PLEKHA7: variants seen among roughly 807,000 people sequenced by gnomAD.
PLEKHA7 encodes the protein pleckstrin homology domain containing A7.
PLEKHA7 carries 104 observed loss-of-function variants against 170.0 expected under a neutral mutation model. The observed-to-expected ratio is 0.61, with a 90% confidence interval of 0.52 to 0.72. The LOEUF is 0.72. Among genes scored for constraint, PLEKHA7 ranks in the 30% least tolerant of loss-of-function variants. PLEKHA7 has a pLI of 0.00. For synonymous variants in PLEKHA7, 648 were observed against 660.8 expected (o/e 0.98, Z 0.30); for missense variants, 1,615 against 1,671.7 (o/e 0.97, Z 0.59).
rs566075886 is a variant in PLEKHA7 at position 16,783,745 on chromosome 11, C to T, written c.3605G>A (p.Arg1202Gln). 2.6e-5 allele frequency: 39 copies of T among 1,505,642 alleles called. 1 individual carries two copies. In the South Asian group the frequency reaches 2.9e-4, roughly 11 times the overall value. 93.3% of individuals were successfully genotyped at this position (1,505,642 alleles called of 1,614,324 possible). A position where few individuals can be genotyped will look rare whatever the true frequency, so the allele number is the denominator to read the frequency against. ...EPPSLEELQA[R>Q]YRKAEKIRNI... ...GCGGATCTTCTCGGCTTTGCGGTAC[C>T]GCGCCTGCAGCTCCTCAAGGCTGGG... is the stretch of plus-strand genomic sequence containing the variant. The change falls in exon 25 of 27, where the codon CGG (arginine) becomes CAG (glutamine). Residue 1202 changes from arginine (R) to glutamine (Q), a missense_variant. Transcript: ENST00000531066.
intron 3 of PLEKHA7, among the ~76,000 whole-genome samples, chr11:16,893,784 C>G (rs1428276692): frequency 6.6e-6 from 1 of 152,228 alleles, no homozygotes; most frequent in Non-Finnish European, 1.5e-5. Context: ...GCACACAGAT[C>G]TGAGGGCCAG....
chr11:17,014,015 C>A lies in PLEKHA7; in HGVS notation c.195G>T (p.Thr65=). Residue 65 remains threonine (T), a synonymous_variant, in exon 3 of 27, where the codon ACG becomes ACT. Coordinates refer to ENST00000531066, the MANE Select transcript of PLEKHA7 (RefSeq NM_001329630.2). ...CGATGAAGTAGCTGGCGCCCTCCTC[C>A]GTGAAGCCCTCCTCCCAGCCGCGGG... ...DLPRGWEEGF[T]EEGASYFIDH... 1 of 1,550,134 alleles carries A rather than the reference C, an allele frequency of 6.5e-7. No homozygotes were observed. Among genetic ancestry groups the A allele is most frequent in the Non-Finnish European group, 8.7e-7 (1 of 1,147,566 alleles).
At chr11:16,809,575 C>A (rs1305995094) in intron 13 of PLEKHA7, among the ~76,000 whole-genome samples, 2 of 152,192 alleles carry the variant, frequency 1.3e-5, no homozygotes, top group African/African-American at 4.8e-5. Context: ...TCAACCATGT[C>A]CAGAGAGACC....
rs987403951 is a variant in PLEKHA7, at chr11:17,007,255, A to G, written c.221+6734T>C. 4.2e-4 allele frequency among the ~76,000 whole-genome samples: 64 copies of G among 152,356 alleles called. 1 individual carries two copies. The highest frequency in any genetic ancestry group is 1.5e-3 in the African/African-American group (61 of 41,592). ...AAACATTATATTCTACAATATAGAA[A>G]TAACTATAAAATTTATGCTAATAAT... On this transcript the variant is annotated intron_variant, in intron 3 of 26. Transcript: ENST00000531066.
rs779238871 is a variant in PLEKHA7, at chr11:16,813,163, C to T, written c.1957G>A (p.Asp653Asn). The change falls in exon 13 of 27, where the codon GAT becomes AAT. Residue 653 changes from aspartate to asparagine, a missense_variant. Asp to Asn is a conservative substitution (Grantham distance 23). Coordinates refer to ENST00000531066, the MANE Select transcript of PLEKHA7 (RefSeq NM_001329630.2). ...TTCTTCAGCTGGAGGTAGGTATCATCAGCCTTCAAATGAAGCAGAGAGGAA... is the reference window on the plus strand; with the variant it reads ...TTCTTCAGCTGGAGGTAGGTATCATTAGCCTTCAAATGAAGCAGAGAGGAA... ...SAPSLHGKSA[D>N]DTYLQLKKDL... The T allele has an allele frequency of 7.4e-6, 12 of 1,613,326 alleles. No individual in the cohort carries two copies. In the South Asian group the frequency reaches 1.3e-4, roughly 18 times the overall value.
At chr11:16,786,570 G>A (rs1849410424) in intron 23 of PLEKHA7, 183 bp from the exon 24 acceptor site, 2 of 985,294 alleles carry the variant, frequency 2.0e-6, no homozygotes, top group Non-Finnish European at 1.2e-6. Context: ...ACTGCTAAGT[G>A]CTCTCTGATC....
intron 3 of PLEKHA7, among the ~76,000 whole-genome samples, chr11:16,909,016 C>T (rs1858061858): frequency 6.6e-6 from 1 of 152,094 alleles, no homozygotes; most frequent in Non-Finnish European, 1.5e-5. Flanking sequence ...TCTCAGTTCT[C>T]CCCCCTACTC....
chr11:16,905,145 G>C (rs1485338169), intron 3 of PLEKHA7, among the ~76,000 whole-genome samples: 1 of 152,166 alleles, frequency 6.6e-6, no homozygotes, highest in African/African-American at 2.4e-5. Context: ...CCAGCTACTT[G>C]GGAGGCTGAG....
At chr11:16,990,593 AC>A (rs1437351747) in intron 3 of PLEKHA7, among the ~76,000 whole-genome samples, 1 of 152,224 alleles carries the variant, frequency 6.6e-6, no homozygotes, top group Non-Finnish European at 1.5e-5. Flanking sequence ...TCAAATGGGC[AC>A]ACCATTATCA....
intron 6 of PLEKHA7, among the ~76,000 whole-genome samples, chr11:16,854,372 G>A (rs1590348398): frequency 6.6e-6 from 1 of 152,296 alleles, no homozygotes; most frequent in East Asian, 1.9e-4. Context: ...CTGGGAGAAT[G>A]GTGGTACCAT....
At chr11:16,850,194 G>A (rs536060427) in intron 8 of PLEKHA7, among the ~76,000 whole-genome samples, 1 of 152,340 alleles carries the variant, frequency 6.6e-6, no homozygotes, top group East Asian at 1.9e-4. Context: ...CGTGACTTCT[G>A]TTCAATCTCT....
intron 3 of PLEKHA7, among the ~76,000 whole-genome samples, chr11:16,998,871 T>C (rs1331078648): frequency 1.3e-5 from 2 of 152,066 alleles, no homozygotes; most frequent in African/African-American, 4.8e-5. Flanking sequence ...AAACACTTTC[T>C]TTGGTGGGTA....
chr11:16,847,487 G>T (rs1382315260), intron 8 of PLEKHA7, among the ~76,000 whole-genome samples: 2 of 152,182 alleles, frequency 1.3e-5, no homozygotes, highest in Non-Finnish European at 2.9e-5. Context: ...GAAGACAGGA[G>T]TGGCTAAAAA....
chr11:16,901,190 A>G (rs1857310545), intron 3 of PLEKHA7, among the ~76,000 whole-genome samples: 1 of 152,162 alleles, frequency 6.6e-6, no homozygotes, highest in Admixed American at 6.5e-5. Context: ...ATATTTTATG[A>G]AACATTTTTG....
At chr11:16,990,599 T>C (rs1455255731) in intron 3 of PLEKHA7, among the ~76,000 whole-genome samples, 1 of 152,206 alleles carries the variant, frequency 6.6e-6, no homozygotes, top group Non-Finnish European at 1.5e-5. Context: ...GGGCACACCA[T>C]TATCAACCTC....
chr11:16,807,375 TGATGCTACTTCCATGGGACCGTG>T (rs551508916), intron 13 of PLEKHA7, among the ~76,000 whole-genome samples: 12 of 152,308 alleles, frequency 7.9e-5, no homozygotes, highest in Non-Finnish European at 1.6e-4. Flanking sequence ...TGAATCTTGG[TGATGCTACTTCCATGGGACCGTG>T]GATGCTCCTC....
intron 3 of PLEKHA7, among the ~76,000 whole-genome samples, chr11:16,914,803 C>T (rs747912490): frequency 6.6e-6 from 1 of 152,168 alleles, no homozygotes; most frequent in Non-Finnish European, 1.5e-5. Context: ...ATGGAGGTTA[C>T]GGAACTCCAG....
Position 17,014,409 on chromosome 11 carries a change from G to A in PLEKHA7, c.-8C>T. On this transcript the variant is annotated 5_prime_UTR_variant, in exon 1 of 27. Transcript: ENST00000531066. Reference sequence around the variant, plus strand: ...GACCGTCGCCGCCGCCATGTTCGCCGAGCGCGGAGCCGCCGCGGGGTGGGG... The same window carrying A: ...GACCGTCGCCGCCGCCATGTTCGCCAAGCGCGGAGCCGCCGCGGGGTGGGG... 1 of 1,330,402 alleles carries A rather than the reference G, an allele frequency of 7.5e-7. No homozygotes were observed. Among genetic ancestry groups the A allele is most frequent in the Non-Finnish European group, 9.7e-7 (1 of 1,031,928 alleles). 82.4% of individuals were successfully genotyped at this position (1,330,402 alleles called of 1,614,324 possible).
At chr11:16,937,055 A>T (rs1247076925) in intron 3 of PLEKHA7, among the ~76,000 whole-genome samples, 1 of 152,158 alleles carries the variant, frequency 6.6e-6, no homozygotes, top group Non-Finnish European at 1.5e-5. Flanking sequence ...ACAGGATTGG[A>T]TTTATAGCAG....
Sources: gnomAD v4.1 joint callset for allele counts (sites outside exome capture counted in the v4.1 genomes callset) on GRCh38, gnomAD v4.1.1 for gene constraint, MANE v1.5 for transcripts, NCBI Gene and HGNC (gene_info 2026-07-23, HGNC 2026-07-21) for gene names.